DENND4A: variants seen among roughly 807,000 people sequenced by gnomAD.
The protein encoded by DENND4A is DENN domain containing 4A.
DENND4A carries 70 observed loss-of-function variants against 199.3 expected under a neutral mutation model. That is an observed-to-expected ratio of 0.35 (90% CI 0.29 to 0.43). DENND4A has a LOEUF of 0.43. DENND4A is among the 20% of genes least tolerant of loss of function. The probability of loss-of-function intolerance (pLI) is 1.00; values close to 1 mark genes in which losing one functional copy is unlikely to be tolerated. For missense variants in DENND4A, 1,723 were observed against 2,255.8 expected, an observed-to-expected ratio of 0.76 and a Z score of 4.78; for synonymous variants, 686 against 766.9, an observed-to-expected ratio of 0.89 and a Z score of 1.74.
In DENND4A at chr15:65,722,960, T is replaced by C; in HGVS notation, c.1488-12A>G. 6.3e-7 allele frequency: 1 copy of C among 1,588,488 alleles called. No homozygotes were observed. The highest frequency in any genetic ancestry group is 2.3e-5 in the East Asian group (1 of 43,904). ...TCTTGTCACCAATTCTAAGATTAAA[T>C]AACAACAGGAATATATTTGTTACAT... On this transcript the variant is annotated splice_polypyrimidine_tract_variant and intron_variant, in intron 11 of 32. Coordinates refer to ENST00000443035, the MANE Select transcript of DENND4A (RefSeq NM_001320835.1).
intron 5 of DENND4A, among the ~76,000 whole-genome samples, chr15:65,740,683 G>A (rs374631655): frequency 8.6e-5 from 13 of 151,354 alleles, no homozygotes; most frequent in South Asian, 2.1e-4. Flanking sequence ...ATCAAAGGCC[G>A]GGTATGGTGG....
chr15:65,701,636 T>C lies in DENND4A; in HGVS notation c.2559+126A>G, dbSNP rs950673156. 27 of 880,228 alleles carry C rather than the reference T, an allele frequency of 3.1e-5. 1 individual carries two copies. Among genetic ancestry groups the C allele is most frequent in the Middle Eastern group, 3.2e-4 (1 of 3,172 alleles). 54.5% of individuals were successfully genotyped at this position (880,228 alleles called of 1,614,324 possible). On this transcript the variant is annotated intron_variant, in intron 18 of 32. Transcript: ENST00000443035. ...AAAAGAGAACTAAAGTCTTCCTTGA[T>C]TGACAAAATGTATTTTATATACTCT...
chr15:65,738,070 T>C (rs2076162235), intron 6 of DENND4A, 125 bp from the exon 7 acceptor site: 6 of 879,086 alleles, frequency 6.8e-6, no homozygotes, highest in Non-Finnish European at 1.0e-5. Flanking sequence ...AAGAACACAG[T>C]GATGAAGAGA....
chr15:65,767,094 CAT>C (rs1374896392), intron 1 of DENND4A, among the ~76,000 whole-genome samples: 1 of 152,168 alleles, frequency 6.6e-6, no homozygotes, highest in African/African-American at 2.4e-5. Flanking sequence ...CTCTCACATG[CAT>C]AGCAGTTATA....
At chr15:65,784,208 T>A (rs550473178) in intron 1 of DENND4A, among the ~76,000 whole-genome samples, 107 of 152,006 alleles carry the variant, frequency 7.0e-4, no homozygotes, top group African/African-American at 2.5e-3. Context: ...ACCATCAAAG[T>A]CATCAAAAAC....
chr15:65,710,823 G>A (rs2142311552), intron 14 of DENND4A, among the ~76,000 whole-genome samples: 1 of 152,298 alleles, frequency 6.6e-6, no homozygotes, highest in Middle Eastern at 3.4e-3. Flanking sequence ...GGTAGCAAGT[G>A]AGTTCTCTCG....
intron 5 of DENND4A, among the ~76,000 whole-genome samples, chr15:65,741,369 T>C (rs990178873): frequency 6.6e-6 from 1 of 152,234 alleles, no homozygotes; most frequent in Non-Finnish European, 1.5e-5. Flanking sequence ...GAAACATGAT[T>C]TCATGTGAAC....
chr15:65,789,203 T>C (rs1470148820), intron 1 of DENND4A, among the ~76,000 whole-genome samples: 1 of 152,152 alleles, frequency 6.6e-6, no homozygotes, highest in Non-Finnish European at 1.5e-5. Context: ...CTTTTGTTTT[T>C]TGAGACAGGG....
At position 65,659,606 on chromosome 15, in the gene DENND4A, TGG is replaced by T; in HGVS notation, c.*2243_*2244del. The T allele has an allele frequency of 6.6e-6, 1 of 152,410 alleles. No individual in the cohort carries two copies. The highest frequency in any genetic ancestry group is 6.5e-5 in the Admixed American group (1 of 15,280). The allele number at this position is 152,410 out of a possible 1,614,324, so 9.4% of individuals were successfully genotyped here. A position where few individuals can be genotyped will look rare whatever the true frequency, so the allele number is the denominator to read the frequency against. ...TCCCTGCTTCAGCCTCCCAAAGTGC[TGG>T]GATTACAGGCCTCCATGAGCAACCA... is the stretch of plus-strand genomic sequence containing the variant. On this transcript the variant is annotated 3_prime_UTR_variant, in exon 33 of 33. Transcript: ENST00000443035.
intron 27 of DENND4A, among the ~76,000 whole-genome samples, chr15:65,668,439 G>A (rs1010923476): frequency 6.6e-6 from 1 of 152,076 alleles, no homozygotes; most frequent in Admixed American, 6.5e-5. Context: ...GAACTCCCAG[G>A]CTCAAGCCAT....
rs780618494 is a variant in DENND4A at position 65,691,142 on chromosome 15, C to G, written c.3452G>C (p.Gly1151Ala). The stretch of plus-strand genomic sequence containing the variant: ...CACTTTATCTGCCAAATAGTTAGAA[C>G]CATCAAAAGGTGTATCATCATCACT... ...ESSDDDTPFDGSNYLADKVDS... is the reference protein window; with the variant it reads ...ESSDDDTPFDASNYLADKVDS... The change falls in exon 23 of 33, where the codon GGT (glycine) becomes GCT (alanine). Residue 1151 changes from glycine (G) to alanine (A), a missense_variant. Transcript: ENST00000443035. 1 of 1,613,332 alleles carries G rather than the reference C, an allele frequency of 6.2e-7. No individual in the cohort carries two copies. Among genetic ancestry groups the G allele is most frequent in the South Asian group, 1.1e-5 (1 of 91,022 alleles).
chr15:65,729,064 G>A lies in DENND4A; in HGVS notation c.1487+8C>T, dbSNP rs1221740900. 6.4e-7 allele frequency: 1 copy of A among 1,570,756 alleles called. No homozygotes were observed. Among genetic ancestry groups the A allele is most frequent in the Non-Finnish European group, 8.7e-7 (1 of 1,155,504 alleles). ...AATATACATGTAGAATCACTAAAATGTACTTACTGAGAAATAGTGTTGGTA... is the reference window on the plus strand; with the variant it reads ...AATATACATGTAGAATCACTAAAATATACTTACTGAGAAATAGTGTTGGTA... On this transcript the variant is annotated splice_region_variant and intron_variant, in intron 11 of 32. Transcript: ENST00000443035.
At chr15:65,738,263 A>G (rs1209006170) in intron 6 of DENND4A, among the ~76,000 whole-genome samples, 1 of 152,164 alleles carries the variant, frequency 6.6e-6, no homozygotes, top group African/African-American at 2.4e-5. Flanking sequence ...GTGAGATGAA[A>G]CTTTAGATAA....
intron 27 of DENND4A, among the ~76,000 whole-genome samples, chr15:65,669,168 C>T (rs1422142795): frequency 1.3e-5 from 2 of 152,138 alleles, no homozygotes; most frequent in Non-Finnish European, 2.9e-5. Context: ...ATCAAGATCA[C>T]ACAGGTCACG....
chr15:65,749,173 T>G (rs1270675530), intron 4 of DENND4A, among the ~76,000 whole-genome samples: 2 of 151,284 alleles, frequency 1.3e-5, no homozygotes, highest in Non-Finnish European at 1.5e-5. Context: ...ATAGTAAATA[T>G]GCGCTTTGAT....
rs1487098348 is a variant in DENND4A at position 65,752,616 on chromosome 15, G to A, written c.324C>T (p.Asp108=). 1 of 1,529,624 alleles carries A rather than the reference G, an allele frequency of 6.5e-7. No homozygotes were observed. Among genetic ancestry groups the A allele is most frequent in the South Asian group, 1.2e-5 (1 of 81,974 alleles). The allele number at this position is 1,529,624 out of a possible 1,614,324, so 94.8% of individuals were successfully genotyped here. ...AACCCTGTTTCAATCTTTCTTTCCA[G>A]TCATATAAAACCCTAAAAATAAATT... The part of the protein sequence containing the change: ...PPLTDLGVLY[D]WKERLKQGCE... Residue 108 remains aspartate (D), a synonymous_variant, in exon 4 of 33, where the codon GAC becomes GAT. Coordinates refer to ENST00000443035, the MANE Select transcript of DENND4A (RefSeq NM_001320835.1).
chr15:65,682,831 A>G (rs1461616544), intron 23 of DENND4A, among the ~76,000 whole-genome samples: 1 of 152,160 alleles, frequency 6.6e-6, no homozygotes. Flanking sequence ...GTTGTGTCTC[A>G]AGGAATAAGA....
intron 1 of DENND4A, among the ~76,000 whole-genome samples, chr15:65,784,590 A>G (rs539139155): frequency 6.6e-6 from 1 of 152,320 alleles, no homozygotes; most frequent in East Asian, 1.9e-4. Flanking sequence ...TGTTGCCTTA[A>G]CCAATCTGAT....
intron 29 of DENND4A, among the ~76,000 whole-genome samples, chr15:65,666,193 T>C (rs1214673792): frequency 3.3e-5 from 5 of 152,220 alleles, no homozygotes; most frequent in Admixed American, 6.5e-5. Flanking sequence ...ACATACATAC[T>C]TGTGATATTT....
Sources: allele counts gnomAD v4.1 joint callset (sites outside exome capture counted in the v4.1 genomes callset), GRCh38; gene constraint gnomAD v4.1.1; transcripts MANE v1.5; gene names NCBI Gene and HGNC (gene_info 2026-07-23, HGNC 2026-07-21).